Variants in KANSL1 observed in about 807,000 individuals in gnomAD.
KANSL1 encodes the protein KAT8 regulatory NSL complex subunit 1.
KANSL1 carries 22 observed loss-of-function variants against 103.6 expected under a neutral mutation model. The ratio of observed to expected loss-of-function variants is 0.21; its 90% confidence interval spans 0.15 to 0.30. The LOEUF (loss-of-function observed/expected upper bound fraction) is 0.30. Among genes scored for constraint, KANSL1 ranks in the 10% least tolerant of loss-of-function variants. The probability of loss-of-function intolerance (pLI) is 1.00; values close to 1 mark genes in which losing one functional copy is unlikely to be tolerated. For synonymous variants in KANSL1, 600 were observed against 527.6 expected, an observed-to-expected ratio of 1.14 and a Z score of -1.88; for missense variants, 1,337 against 1,399.8, an observed-to-expected ratio of 0.96 and a Z score of 0.72.
chr17:46,159,971 C>G (rs1269323287), intron 2 of KANSL1, among the ~76,000 whole-genome samples: 9 of 152,218 alleles, frequency 5.9e-5, no homozygotes, highest in African/African-American at 1.9e-4. Flanking sequence ...AACAGCAAAG[C>G]TATGTGCCTT....
intron 13 of KANSL1, chr17:46,032,689 T>G (rs1015067190): frequency 3.1e-6 from 1 of 327,514 alleles, no homozygotes; most frequent in East Asian, 5.2e-5. Context: ...AGGGTAGTGA[T>G]GGACGTTAAG....
chr17:46,169,821 T>C (rs897799143), intron 2 of KANSL1, among the ~76,000 whole-genome samples: 3 of 152,216 alleles, frequency 2.0e-5, no homozygotes. Context: ...GTCTCCACCA[T>C]GCCAATTTGG....
intron 1 of KANSL1, among the ~76,000 whole-genome samples, chr17:46,179,344 G>C (rs56103233): frequency 0.11 from 17,221 of 150,344 alleles, 2 homozygotes; most frequent in Non-Finnish European, 0.17. Flanking sequence ...CAATTTCCAA[G>C]ACAAGACTCC....
chr17:46,196,820 TC>T (rs1249709277), upstream of KANSL1: 84 of 197,426 alleles, frequency 4.3e-4, no homozygotes, highest in Non-Finnish European at 1.1e-4. Flanking sequence ...GAAAAGACAT[TC>T]CATGGCCAGG....
intron 1 of KANSL1, among the ~76,000 whole-genome samples, chr17:46,183,245 C>G (rs568918907): frequency 6.6e-6 from 1 of 152,072 alleles, no homozygotes; most frequent in African/African-American, 2.4e-5. Flanking sequence ...AACATAGCCC[C>G]CATCTAAAAA....
At chr17:46,107,029 C>A (rs1281409064) in intron 2 of KANSL1, among the ~76,000 whole-genome samples, 1 of 152,186 alleles carries the variant, frequency 6.6e-6, no homozygotes, top group Non-Finnish European at 1.5e-5. Flanking sequence ...ACTAAAGGAA[C>A]AACACAGTGA....
At chr17:46,096,364 G>C (rs1387516628) in intron 2 of KANSL1, among the ~76,000 whole-genome samples, 3 of 129,058 alleles carry the variant, frequency 2.3e-5, no homozygotes, top group Admixed American at 8.9e-5. Context: ...TGGTTGCCCA[G>C]GCTGGAGTGC....
At chr17:46,175,186 C>T (rs1260354375) in intron 1 of KANSL1, among the ~76,000 whole-genome samples, 2 of 152,088 alleles carry the variant, frequency 1.3e-5, no homozygotes, top group Non-Finnish European at 2.9e-5. Flanking sequence ...CCCTACAGGA[C>T]CACAGTAAGC....
intron 1 of KANSL1, among the ~76,000 whole-genome samples, chr17:46,200,063 A>ACACACACACACC (rs2047745381): frequency 6.6e-6 from 1 of 151,822 alleles, no homozygotes. Context: ...ACACACACAC[A>ACACACACACACC]CACCCTGATT....
chr17:46,069,723 AAGAG>A (rs929822964), intron 4 of KANSL1, among the ~76,000 whole-genome samples: 7 of 151,632 alleles, frequency 4.6e-5, no homozygotes, highest in East Asian at 1.9e-4. Context: ...CAGCCTGGGA[AAGAG>A]AGAGAGAGAG....
rs780539765 is a variant in KANSL1 at position 46,171,246 on chromosome 17, T to C, written c.898A>G (p.Arg300Gly). The C allele has an allele frequency of 1.2e-5, 19 of 1,614,138 alleles. No individual in the cohort carries two copies. The highest frequency in any genetic ancestry group is 8.9e-5 in the East Asian group (4 of 44,872). ...RQADIESRARRLQKRLQVVQA... is the reference protein window; with the variant it reads ...RQADIESRARGLQKRLQVVQA... ...ACAACCTGTAAGCGCTTTTGTAATC[T>C]GCGGGCACGGCTCTCAATGTCAGCC... The change falls in exon 2 of 15, where the codon AGA becomes GGA. Residue 300 changes from arginine (R) to glycine (G), a missense_variant. Around this residue, in one of 2 missense-constraint regions of KANSL1, gnomAD observed 557 missense variants for 476.4 expected, o/e 1.17. Coordinates refer to ENST00000432791, the MANE Select transcript of KANSL1 (RefSeq NM_015443.4).
intron 2 of KANSL1, among the ~76,000 whole-genome samples, chr17:46,135,228 A>C (rs2044068061): frequency 6.6e-6 from 1 of 151,528 alleles, no homozygotes; most frequent in Non-Finnish European, 1.5e-5. Context: ...TGTTGTACAG[A>C]ATTGGCTTCA....
chr17:46,033,174 C>T lies in KANSL1; in HGVS notation c.2743G>A (p.Ala915Thr), dbSNP rs756685224. 23 of 1,602,078 alleles carry T rather than the reference C, an allele frequency of 1.4e-5. No homozygotes were observed. Among genetic ancestry groups the T allele is most frequent in the Admixed American group, 1.7e-5 (1 of 58,800 alleles). The change falls in exon 13 of 15, where the codon GCA (alanine) becomes ACA (threonine). Residue 915 changes from alanine (A) to threonine (T), a missense_variant. Ala to Thr is a moderately conservative substitution (Grantham distance 58, BLOSUM62 0). This residue lies in a region of KANSL1 where 780 missense variants were observed against 923.4 expected (regional missense o/e 0.84). Coordinates refer to ENST00000432791, the MANE Select transcript of KANSL1 (RefSeq NM_015443.4). The stretch of plus-strand genomic sequence containing the variant: ...TTGGCATGCAGGGCGGCGAAGGCTG[C>T]GTCGGATAGGTCCTCAATCTGCAAT... ...ENEEIEDLSD[A>T]AFAALHAKCE...
chr17:46,105,925 AC>A lies in KANSL1; in HGVS notation c.1290-11225del, dbSNP rs1567680551. Among the ~76,000 whole-genome samples, 481 of 96,244 alleles carry A rather than the reference AC, an allele frequency of 5.0e-3. 1 individual carries two copies. The highest frequency in any genetic ancestry group is 8.9e-3 in the Middle Eastern group (2 of 224). The allele number at this position is 96,244 out of a possible 152,430, so 63.1% of individuals were successfully genotyped here. A position where few individuals can be genotyped will look rare whatever the true frequency, so the allele number is the denominator to read the frequency against. On this transcript the variant is annotated intron_variant, in intron 2 of 14. Coordinates refer to ENST00000432791, the MANE Select transcript of KANSL1 (RefSeq NM_015443.4). ...GGCCTTGACACACACACACACACACACACACACACACACACACACACACCCC... is the reference window on the plus strand; with the variant it reads ...GGCCTTGACACACACACACACACACAACACACACACACACACACACACCCC...
chr17:46,211,358 A>G (rs2048165448), intron 1 of KANSL1, among the ~76,000 whole-genome samples: 1 of 152,210 alleles, frequency 6.6e-6, no homozygotes, highest in African/African-American at 2.4e-5. Context: ...GCCACACATA[A>G]AATACACTAA....
chr17:46,120,738 T>A (rs887671850), intron 2 of KANSL1, among the ~76,000 whole-genome samples: 2 of 152,242 alleles, frequency 1.3e-5, no homozygotes, highest in Non-Finnish European at 2.9e-5. Context: ...AATGAGCCAA[T>A]ACTTGCATAT....
chr17:46,050,320 G>A (rs1430436117), intron 7 of KANSL1: 1 of 582,014 alleles, frequency 1.7e-6, no homozygotes, highest in African/African-American at 1.9e-5. Flanking sequence ...AGAGTTAGAA[G>A]GAAATCTCAT....
At chr17:46,085,712 G>A (rs923040965) in intron 3 of KANSL1, among the ~76,000 whole-genome samples, 2 of 151,944 alleles carry the variant, frequency 1.3e-5, no homozygotes, top group Admixed American at 6.6e-5. Flanking sequence ...GGCTGGTCTC[G>A]AACTCTTGGA....
intron 2 of KANSL1, among the ~76,000 whole-genome samples, chr17:46,096,307 T>TTTTCTCTCTTTC (rs2042064609): frequency 8.0e-6 from 1 of 124,704 alleles, no homozygotes; most frequent in Non-Finnish European, 1.6e-5. Context: ...CCTGGCTTTT[T>TTTTCTCTCTTTC]TTTCTTTTTT....
Sources: allele counts gnomAD v4.1 joint callset (sites outside exome capture counted in the v4.1 genomes callset), GRCh38; gene constraint gnomAD v4.1.1; regional missense constraint gnomAD v4.1.1; transcripts MANE v1.5; gene names NCBI Gene and HGNC (gene_info 2026-07-23, HGNC 2026-07-21).